Variants in GAREM1 observed in about 807,000 individuals in gnomAD.
GAREM1 encodes GRB2-associated and regulator of MAPK protein 1.
A neutral mutation model predicts 71.3 loss-of-function variants in GAREM1; 26 were observed. The observed-to-expected ratio is 0.36, with a 90% CI of 0.27 to 0.51. GAREM1 has a LOEUF of 0.51. Ranked by LOEUF, GAREM1 falls within the 20% of genes least tolerant of loss-of-function variation. The pLI is 0.95. For missense variants in GAREM1, 1,026 were observed against 1,103.1 expected, an observed-to-expected ratio of 0.93 and a Z score of 0.99; for synonymous variants, 440 against 433.2, an observed-to-expected ratio of 1.02 and a Z score of -0.20.
At chr18:32,396,980 G>A (rs2048263810) in intron 1 of GAREM1, among the ~76,000 whole-genome samples, 1 of 152,200 alleles carries the variant, frequency 6.6e-6, no homozygotes, top group South Asian at 2.1e-4. Context: ...CTACAAGCCA[G>A]AAGAGAGTGG....
intron 2 of GAREM1, among the ~76,000 whole-genome samples, chr18:32,312,168 G>A (rs533527931): frequency 6.6e-6 from 1 of 152,328 alleles, no homozygotes; most frequent in African/African-American, 2.4e-5. Flanking sequence ...TGGAGGTCAG[G>A]AGAGAAGTCT....
chr18:32,386,288 C>T (rs1241914935), intron 2 of GAREM1, among the ~76,000 whole-genome samples: 1 of 152,138 alleles, frequency 6.6e-6, no homozygotes, highest in Non-Finnish European at 1.5e-5. Context: ...AATTACAATT[C>T]AAGGTTATGT....
At chr18:32,269,270 T>C (rs1273422846) in intron 5 of GAREM1, among the ~76,000 whole-genome samples, 4 of 152,246 alleles carry the variant, frequency 2.6e-5, no homozygotes, top group African/African-American at 9.6e-5. Flanking sequence ...AAAATGTTTA[T>C]CCTTGTCTTA....
At chr18:32,456,438 T>C (rs939105198) in intron 1 of GAREM1, among the ~76,000 whole-genome samples, 3 of 152,126 alleles carry the variant, frequency 2.0e-5, no homozygotes, top group African/African-American at 2.4e-5. Flanking sequence ...ATAATAACTA[T>C]GGTTGACACA....
intron 1 of GAREM1, among the ~76,000 whole-genome samples, chr18:32,421,343 T>C (rs1234769883): frequency 1.3e-5 from 2 of 152,202 alleles, no homozygotes; most frequent in Non-Finnish European, 2.9e-5. Context: ...CTCAGGTCCA[T>C]TCTCTTCTGC....
chr18:32,419,439 C>A (rs1216778409), intron 1 of GAREM1, among the ~76,000 whole-genome samples: 4 of 152,008 alleles, frequency 2.6e-5, no homozygotes, highest in African/African-American at 9.7e-5. Context: ...GTGAAGGGAC[C>A]CCAGGCACCT....
At chr18:32,376,019 G>C (rs1001435543) in intron 2 of GAREM1, among the ~76,000 whole-genome samples, 2 of 151,952 alleles carry the variant, frequency 1.3e-5, no homozygotes, top group Non-Finnish European at 2.9e-5. Context: ...ATAATCTTGT[G>C]AACATTTTAT....
chr18:32,271,845 C>T (rs1567942759), intron 4 of GAREM1, among the ~76,000 whole-genome samples: 1 of 152,136 alleles, frequency 6.6e-6, no homozygotes, highest in Non-Finnish European at 1.5e-5. Context: ...AATATAATTA[C>T]TAATGAAGTG....
chr18:32,434,909 T>C (rs917837434), intron 1 of GAREM1, among the ~76,000 whole-genome samples: 5 of 152,072 alleles, frequency 3.3e-5, no homozygotes, highest in African/African-American at 2.4e-5. Flanking sequence ...AATAGAGAAC[T>C]CTGGCAGAGA....
chr18:32,420,205 T>C (rs2048506621), intron 1 of GAREM1, among the ~76,000 whole-genome samples: 1 of 152,192 alleles, frequency 6.6e-6, no homozygotes, highest in East Asian at 1.9e-4. Flanking sequence ...AGTTTCAAAA[T>C]TATTACTCTA....
At chr18:32,387,386 T>TA (rs1385368483) in intron 2 of GAREM1, among the ~76,000 whole-genome samples, 1 of 152,196 alleles carries the variant, frequency 6.6e-6, no homozygotes, top group Non-Finnish European at 1.5e-5. Context: ...GTTCTGAGTA[T>TA]ACAGAATGCA....
intron 1 of GAREM1, chr18:32,413,072 C>T (rs1414848216): frequency 1.3e-6 from 2 of 1,545,992 alleles, no homozygotes; most frequent in African/African-American, 1.4e-5. Flanking sequence ...TTCCCCATTG[C>T]TCAAAATGGC....
At chr18:32,410,228 C>T (rs1386578274) in intron 1 of GAREM1, among the ~76,000 whole-genome samples, 1 of 152,222 alleles carries the variant, frequency 6.6e-6, no homozygotes, top group Non-Finnish European at 1.5e-5. Flanking sequence ...CAACTCTCTG[C>T]TTCCAGTAAC....
chr18:32,426,095 T>C (rs1263614942), intron 1 of GAREM1, among the ~76,000 whole-genome samples: 3 of 152,206 alleles, frequency 2.0e-5, no homozygotes, highest in Non-Finnish European at 4.4e-5. Context: ...CTCAGCTCAC[T>C]GCAACCTCTG....
At chr18:32,444,343 G>C (rs2144280023) in intron 1 of GAREM1, among the ~76,000 whole-genome samples, 1 of 152,276 alleles carries the variant, frequency 6.6e-6, no homozygotes, top group East Asian at 1.9e-4. Context: ...CATGGGCTCA[G>C]AGTTAAGGGG....
In GAREM1 at chr18:32,268,420, A is replaced by G. The variant is rs372056424; in HGVS notation, c.2082T>C (p.Gly694=). The part of the protein sequence containing the change: ...VTAEFSSSVS[G]CPKSASYSLE... ...GAGAGTAGCTGGCTGACTTGGGACA[A>G]CCAGAGACGCTGCTACTGAATTCTG... is the stretch of plus-strand genomic sequence containing the variant. Residue 694 remains glycine, a synonymous_variant, in exon 6 of 6, where the codon GGT becomes GGC. Coordinates refer to ENST00000269209, the MANE Select transcript of GAREM1 (RefSeq NM_001242409.2). The G allele has an allele frequency of 6.2e-7, 1 of 1,614,054 alleles. No homozygotes were observed. Among genetic ancestry groups the G allele is most frequent in the African/African-American group, 1.3e-5 (1 of 74,924 alleles).
At position 32,310,181 on chromosome 18, in the gene GAREM1, A is replaced by G. The variant is rs753540252; in HGVS notation, c.393+12T>C. 8 of 1,613,470 alleles carry G rather than the reference A, an allele frequency of 5.0e-6. No individual in the cohort carries two copies. Among genetic ancestry groups the G allele is most frequent in the Non-Finnish European group, 6.8e-6 (8 of 1,179,764 alleles). Reference sequence around the variant, plus strand: ...AGTGAGTATAAATATTTGGTGCTTCAAGAGCTACTACCTTCACGTTGAATG... The same window carrying G: ...AGTGAGTATAAATATTTGGTGCTTCGAGAGCTACTACCTTCACGTTGAATG... On this transcript the variant is annotated intron_variant, in intron 3 of 5. Coordinates refer to ENST00000269209, the MANE Select transcript of GAREM1 (RefSeq NM_001242409.2).
chr18:32,323,897 A>G (rs987694513), intron 2 of GAREM1, among the ~76,000 whole-genome samples: 2 of 152,182 alleles, frequency 1.3e-5, no homozygotes, highest in Non-Finnish European at 2.9e-5. Context: ...GAGAAGGGGA[A>G]AACAAAGGTG....
chr18:32,457,226 A>AGTGTGTGTGT lies in GAREM1; in HGVS notation c.121+13072_121+13081dup, dbSNP rs566379367. 5.4e-3 allele frequency among the ~76,000 whole-genome samples: 444 copies of AGTGTGTGTGT among 81,942 alleles called. 7 individuals carry two copies. Among genetic ancestry groups the AGTGTGTGTGT allele is most frequent in the African/African-American group, 0.013 (308 of 23,980 alleles). The allele number at this position is 81,942 out of a possible 152,430, so 53.8% of individuals were successfully genotyped here. A position where few individuals can be genotyped will look rare whatever the true frequency, so the allele number is the denominator to read the frequency against. On this transcript the variant is annotated intron_variant, in intron 1 of 5. Coordinates refer to ENST00000269209, the MANE Select transcript of GAREM1 (RefSeq NM_001242409.2). ...GGGGGGGAGAGAGAGAGAGAGAGAG[A>AGTGTGTGTGT]GTGTGTGTGTGTGTGTGTGTGTGTG...
Sources: gnomAD v4.1 joint callset for allele counts (sites outside exome capture counted in the v4.1 genomes callset) on GRCh38, gnomAD v4.1.1 for gene constraint, MANE v1.5 for transcripts, NCBI Gene and HGNC (gene_info 2026-07-23, HGNC 2026-07-21) for gene names.